The following MGAT5B variants were observed in gnomAD, a reference collection of about 807,000 sequenced individuals.
MGAT5B encodes the protein alpha-1,6-mannosylglycoprotein 6-beta-N-acetylglucosaminyltransferase B, also known as N-acetylglucosaminyl-transferase Vb.
In MGAT5B, 54 loss-of-function variants were observed where a neutral mutation model predicts 95.1. The ratio of observed to expected loss-of-function variants is 0.57; its 90% CI spans 0.46 to 0.71. The LOEUF is 0.71. Among genes scored for constraint, MGAT5B ranks in the 30% least tolerant of loss-of-function variants. The pLI is 0.00. For missense variants in MGAT5B, 935 were observed against 1,088.6 expected (o/e 0.86, Z 1.99); for synonymous variants, 464 against 451.0 (o/e 1.03, Z -0.36).
Position 76,912,023 on chromosome 17 carries a change from A to G in MGAT5B, c.1025+5836A>G, listed in dbSNP as rs904550697. On this transcript the variant is annotated intron_variant, in intron 8 of 17. Transcript: ENST00000569840. This position sits in a 1 kb window ranked among gnomAD's most constrained non-coding sequence, Gnocchi z 5.0. ...ACTTGGTGACCCTTGTCCTGCAGCT[A>G]CATCTCTACAATCATCTCTGCCTTT... is the stretch of plus-strand genomic sequence containing the variant. Among the ~76,000 whole-genome samples, 9 of 152,142 alleles carry G rather than the reference A, an allele frequency of 5.9e-5. No homozygotes were observed. The highest frequency in any genetic ancestry group is 1.7e-4 in the African/African-American group (7 of 41,436).
In MGAT5B at chr17:76,916,611, C is replaced by T. The variant is rs1968947460; in HGVS notation, c.1026-8355C>T. ...TCTAGGAGTTCAAGACCAACCTGAG[C>T]AAGGAAACCTCATCTCTACAAGAAA... On this transcript the variant is annotated intron_variant, in intron 8 of 17. Coordinates refer to ENST00000569840, the MANE Select transcript of MGAT5B (RefSeq NM_001199172.2). The surrounding 1 kb of genome is among the most constrained non-coding windows in gnomAD (Gnocchi z 5.3). Among the ~76,000 whole-genome samples, 1 of 152,156 alleles carries T rather than the reference C, an allele frequency of 6.6e-6. No homozygotes were observed. The highest frequency in any genetic ancestry group is 2.1e-4 in the South Asian group (1 of 4,822).
chr17:76,904,794 G>T (rs1182632261), intron 6 of MGAT5B, among the ~76,000 whole-genome samples: 1 of 152,234 alleles, frequency 6.6e-6, no homozygotes, highest in East Asian at 1.9e-4. Flanking sequence ...TGCATCTGAG[G>T]TTTACAATTG....
chr17:76,941,389 G>A (rs772407993), intron 15 of MGAT5B, among the ~76,000 whole-genome samples: 2 of 152,234 alleles, frequency 1.3e-5, no homozygotes, highest in African/African-American at 4.8e-5. Context: ...GTGAGGAGGG[G>A]CTTGTGCCTG....
chr17:76,940,439 C>A lies in MGAT5B; in HGVS notation c.1622C>A (p.Ala541Asp). The change falls in exon 14 of 18, where the codon GCC (alanine) becomes GAC (aspartate). Residue 541 changes from alanine to aspartate, a missense_variant. Coordinates refer to ENST00000569840, the MANE Select transcript of MGAT5B (RefSeq NM_001199172.2). This position sits in a 1 kb window ranked among gnomAD's most constrained non-coding sequence, Gnocchi z 4.3. ...TTTGGCTTCCCCTACGAGGGCCCCGCCCCCCTGGAGGCCATCGCCAATGGT... is the reference window on the plus strand; with the variant it reads ...TTTGGCTTCCCCTACGAGGGCCCCGACCCCCTGGAGGCCATCGCCAATGGT... ...IGFGFPYEGP[A>D]PLEAIANGCI... The A allele has an allele frequency of 6.2e-7, 1 of 1,612,452 alleles. No individual in the cohort carries two copies. The highest frequency in any genetic ancestry group is 8.5e-7 in the Non-Finnish European group (1 of 1,179,084).
At chr17:76,878,570 G>A (rs1967284532) in intron 2 of MGAT5B, among the ~76,000 whole-genome samples, 1 of 152,092 alleles carries the variant, frequency 6.6e-6, no homozygotes, top group Non-Finnish European at 1.5e-5. Context: ...AATCTCATGG[G>A]CTCCAGCAAT....
At chr17:76,921,634 T>C (rs776570650) in intron 8 of MGAT5B, among the ~76,000 whole-genome samples, 5 of 152,020 alleles carry the variant, frequency 3.3e-5, no homozygotes, top group African/African-American at 4.8e-5. Flanking sequence ...CTGCTGCAGA[T>C]CCTGGGGGGC....
rs1969845103 is a variant in MGAT5B, at chr17:76,940,905, C to T, written c.1848+57C>T. On this transcript the variant is annotated intron_variant, in intron 15 of 17. Coordinates refer to ENST00000569840, the MANE Select transcript of MGAT5B (RefSeq NM_001199172.2). The surrounding 1 kb of genome is among the most constrained non-coding windows in gnomAD (Gnocchi z 4.3). The stretch of plus-strand genomic sequence containing the variant: ...CACTAGTCCACACTGCTGGTCTTCA[C>T]TCTGATTAGAAAACGGTGCCCCCCT... The T allele has an allele frequency of 2.1e-6, 3 of 1,447,596 alleles. No homozygotes were observed. The highest frequency in any genetic ancestry group is 3.4e-5 in the Admixed American group (2 of 58,562). The allele number at this position is 1,447,596 out of a possible 1,614,324, so 89.7% of individuals were successfully genotyped here.
intron 3 of MGAT5B, among the ~76,000 whole-genome samples, chr17:76,901,088 C>T (rs1016746011): frequency 6.6e-6 from 1 of 152,146 alleles, no homozygotes; most frequent in Non-Finnish European, 1.5e-5. Flanking sequence ...ACTAGTCCCC[C>T]GATGTGTATG....
intron 3 of MGAT5B, among the ~76,000 whole-genome samples, chr17:76,894,576 C>CCA (rs1967997934): frequency 1.3e-5 from 2 of 152,190 alleles, no homozygotes; most frequent in African/African-American, 2.4e-5. Context: ...AGATTTTAGG[C>CCA]TGTGCGCAGT....
intron 8 of MGAT5B, among the ~76,000 whole-genome samples, chr17:76,909,035 G>T (rs2077409818): frequency 6.6e-6 from 1 of 151,974 alleles, no homozygotes; most frequent in African/African-American, 2.4e-5. Context: ...TCGAACTCCT[G>T]ACCTCAGGTG....
Position 76,906,041 on chromosome 17 carries a change from G to A in MGAT5B, c.879G>A (p.Leu293=). Reference sequence around the variant, plus strand: ...AGATCCTGGTCCACATCGGCTTCCTGACGGAGGAGTCCGGGGACGTGTTCA... The same window carrying A: ...AGATCCTGGTCCACATCGGCTTCCTAACGGAGGAGTCCGGGGACGTGTTCA... The part of the protein sequence containing the change: ...QKQILVHIGF[L]TEESGDVFSP... Residue 293 remains leucine (L), a synonymous_variant, in exon 8 of 18, where the codon CTG becomes CTA. Transcript: ENST00000569840. This position sits in a 1 kb window ranked among gnomAD's most constrained non-coding sequence, Gnocchi z 4.6. The A allele has an allele frequency of 6.2e-7, 1 of 1,606,520 alleles. No homozygotes were observed. The highest frequency in any genetic ancestry group is 8.5e-7 in the Non-Finnish European group (1 of 1,176,674).
chr17:76,897,223 T>C (rs1373691758), intron 3 of MGAT5B, among the ~76,000 whole-genome samples: 1 of 151,770 alleles, frequency 6.6e-6, no homozygotes, highest in Non-Finnish European at 1.5e-5. Flanking sequence ...GGTCCTGGAC[T>C]CTCTTTTGCG....
At chr17:76,904,598 G>A (rs2145191812) in intron 6 of MGAT5B, among the ~76,000 whole-genome samples, 176 bp downstream of exon 6, 1 of 152,380 alleles carries the variant, frequency 6.6e-6, no homozygotes, top group African/African-American at 2.4e-5. Context: ...AGGCCTGTCT[G>A]CCTTCTTTGA....
In MGAT5B at chr17:76,914,899, A is replaced by G. The variant is rs1968872647; in HGVS notation, c.1025+8712A>G. Among the ~76,000 whole-genome samples, 1 of 152,090 alleles carries G rather than the reference A, an allele frequency of 6.6e-6. No homozygotes were observed. The highest frequency in any genetic ancestry group is 2.4e-5 in the African/African-American group (1 of 41,420). Reference sequence around the variant, plus strand: ...GTGTTCCACCCACCTCGGCCTCCCAAAGTGCTGGGATTACAGGCGTGAGCC... The same window carrying G: ...GTGTTCCACCCACCTCGGCCTCCCAGAGTGCTGGGATTACAGGCGTGAGCC... On this transcript the variant is annotated intron_variant, in intron 8 of 17. Transcript: ENST00000569840. The surrounding 1 kb of genome is among the most constrained non-coding windows in gnomAD (Gnocchi z 5.1).
Position 76,880,986 on chromosome 17 carries a change from G to A in MGAT5B, c.182-1165G>A, listed in dbSNP as rs111799273. Among the ~76,000 whole-genome samples, 1,439 of 152,296 alleles carry A rather than the reference G, an allele frequency of 9.4e-3. 15 individuals carry two copies. The highest frequency in any genetic ancestry group is 0.02 in the Middle Eastern group (6 of 294). ...GACTGGCAGCCTGGGAGCATCGAAG[G>A]TTCATGTTCCCAGGTGACTTGGCTC... On this transcript the variant is annotated intron_variant, in intron 2 of 17. Transcript: ENST00000569840.
At chr17:76,892,932 G>T (rs931379846) in intron 3 of MGAT5B, among the ~76,000 whole-genome samples, 1 of 152,132 alleles carries the variant, frequency 6.6e-6, no homozygotes, top group East Asian at 1.9e-4. Flanking sequence ...GTGGCCCAAG[G>T]CCCCAGGTAG....
chr17:76,894,802 G>A (rs1275103944), intron 3 of MGAT5B, among the ~76,000 whole-genome samples: 1 of 150,334 alleles, frequency 6.7e-6, no homozygotes, highest in African/African-American at 2.5e-5. Context: ...ACAGTGAGCT[G>A]AGATTGCACC....
Position 76,905,451 on chromosome 17 carries a change from G to A in MGAT5B, c.855+118G>A. The A allele has an allele frequency of 1.1e-6, 1 of 927,788 alleles. No individual in the cohort carries two copies. The highest frequency in any genetic ancestry group is 1.6e-6 in the Non-Finnish European group (1 of 644,300). The allele number at this position is 927,788 out of a possible 1,614,324, so 57.5% of individuals were successfully genotyped here. A position where few individuals can be genotyped will look rare whatever the true frequency, so the allele number is the denominator to read the frequency against. ...TAGTGGGCTTCTGAATTTGATCAGA[G>A]GGAGAGAGGGGTAGGGATGGCAGAG... On this transcript the variant is annotated intron_variant, in intron 7 of 17. Coordinates refer to ENST00000569840, the MANE Select transcript of MGAT5B (RefSeq NM_001199172.2). The surrounding 1 kb of genome is among the most constrained non-coding windows in gnomAD (Gnocchi z 4.2).
rs368584892 is a variant in MGAT5B, at chr17:76,932,636, G to T, written c.1292-9G>T. On this transcript the variant is annotated splice_polypyrimidine_tract_variant and intron_variant, in intron 10 of 17. Transcript: ENST00000569840. Reference sequence around the variant, plus strand: ...GTGACCCCATTCCTTCTGCGTGCTCGGGCTGCAGCTCATACCCCCGACAAC... The same window carrying T: ...GTGACCCCATTCCTTCTGCGTGCTCTGGCTGCAGCTCATACCCCCGACAAC... The T allele has an allele frequency of 4.3e-6, 7 of 1,613,264 alleles. No homozygotes were observed. The African/African-American group carries it at 9.3e-5, about 22-fold the overall frequency.
Sources: allele counts gnomAD v4.1 joint callset (sites outside exome capture counted in the v4.1 genomes callset), GRCh38; gene constraint gnomAD v4.1.1; non-coding constraint Gnocchi (gnomAD v3.1); transcripts MANE v1.5; gene names NCBI Gene and HGNC (gene_info 2026-07-23, HGNC 2026-07-21).